SNAP47: variants seen among roughly 807,000 people sequenced by gnomAD.
SNAP47 encodes the protein synaptosomal-associated protein 47.
A neutral mutation model predicts 31.4 loss-of-function variants in SNAP47; 20 were observed. The ratio of observed to expected loss-of-function variants is 0.64; its 90% CI spans 0.45 to 0.93. SNAP47 has a LOEUF of 0.93. SNAP47 is among the 40% of genes least tolerant of loss of function. The pLI is 0.00. For synonymous variants in SNAP47, 194 were observed against 213.4 expected, an observed-to-expected ratio of 0.91 and a Z score of 0.79; for missense variants, 492 against 528.5, an observed-to-expected ratio of 0.93 and a Z score of 0.68.
chr1:227,767,904 TTG>T lies in SNAP47; in HGVS notation c.1113+824_1113+825del, dbSNP rs1663542979. Among the ~76,000 whole-genome samples, 3 of 152,342 alleles carry T rather than the reference TTG, an allele frequency of 2.0e-5. No homozygotes were observed. In the South Asian group the frequency reaches 6.2e-4, roughly 32 times the overall value. ...CTGGTTCTTAAGGAGGCTCAGCACT[TTG>T]TGCCTGGGAGGCTGGAATTTTAATG... On this transcript the variant is annotated intron_variant, in intron 4 of 4. Transcript: ENST00000617596.
At position 227,780,759 on chromosome 1, in the gene SNAP47, CT is replaced by C. The variant is rs1211121183; in HGVS notation, c.*87del. ...GCGGCAGTGCCAGGGCTGCAGAGGC[CT>C]GTGGCCCTCCGGAGTGGTCTTCCTC... On this transcript the variant is annotated 3_prime_UTR_variant, in exon 5 of 5. Transcript: ENST00000617596. 3.8e-6 allele frequency: 6 copies of C among 1,566,622 alleles called. No homozygotes were observed. Among genetic ancestry groups the C allele is most frequent in the Admixed American group, 1.7e-5 (1 of 57,202 alleles).
At chr1:227,767,401 G>A (rs190366604) in intron 4 of SNAP47, among the ~76,000 whole-genome samples, 23 of 152,288 alleles carry the variant, frequency 1.5e-4, no homozygotes, top group East Asian at 9.6e-4. Flanking sequence ...TATGTTTACC[G>A]TGCATGTACA....
intron 4 of SNAP47, chr1:227,776,947 T>G (rs904026789): frequency 2.0e-6 from 2 of 985,268 alleles, no homozygotes; most frequent in Non-Finnish European, 2.4e-6. Flanking sequence ...GTGTACACAA[T>G]AAAATATTCC....
intron 3 of SNAP47, among the ~76,000 whole-genome samples, chr1:227,759,951 A>G (rs1662957097): frequency 6.6e-6 from 1 of 152,142 alleles, no homozygotes; most frequent in African/African-American, 2.4e-5. Flanking sequence ...AGGAGGCAGG[A>G]TGCCCCTCTG....
chr1:227,765,287 G>A (rs551662600), intron 3 of SNAP47, among the ~76,000 whole-genome samples: 53 of 152,350 alleles, frequency 3.5e-4, no homozygotes, highest in Admixed American at 5.9e-4. Context: ...CTGGTGCAGC[G>A]CAGGCTGGGC....
intron 1 of SNAP47, chr1:227,744,137 C>G (rs531999599): frequency 6.6e-6 from 1 of 150,750 alleles, no homozygotes; most frequent in South Asian, 2.1e-4. Context: ...GGAATAAAGA[C>G]AGGAAAAACA....
At chr1:227,755,086 A>G (rs1260524056) in intron 2 of SNAP47, among the ~76,000 whole-genome samples, 1 of 152,360 alleles carries the variant, frequency 6.6e-6, no homozygotes, top group East Asian at 1.9e-4. Flanking sequence ...AGGTTGGAAT[A>G]GGAAACACTT....
chr1:227,776,131 A>T, intron 4 of SNAP47: 1 of 1,160,568 alleles, frequency 8.6e-7, no homozygotes, highest in Non-Finnish European at 1.1e-6. Flanking sequence ...CCTGGCTCTG[A>T]CGCCCTCAGC....
chr1:227,774,654 C>T (rs548842331), intron 4 of SNAP47, among the ~76,000 whole-genome samples: 38 of 152,286 alleles, frequency 2.5e-4, no homozygotes, highest in Admixed American at 2.2e-3. Context: ...ACAGCTCTGG[C>T]CGTGTTGGTT....
At chr1:227,768,831 C>T (rs547626134) in intron 4 of SNAP47, among the ~76,000 whole-genome samples, 5 of 152,334 alleles carry the variant, frequency 3.3e-5, no homozygotes, top group South Asian at 2.1e-4. Context: ...TGCCTCGGCA[C>T]GTGGCTGAGA....
At chr1:227,752,932 A>G (rs866775387) in intron 2 of SNAP47, among the ~76,000 whole-genome samples, 13 of 152,344 alleles carry the variant, frequency 8.5e-5, no homozygotes, top group African/African-American at 2.9e-4. Flanking sequence ...GCCCATTCCC[A>G]GAGCTGTTGG....
Position 227,741,210 on chromosome 1 carries a change from C to T in SNAP47, c.-46+5711C>T, listed in dbSNP as rs1661575176. Among the ~76,000 whole-genome samples, 4 of 152,022 alleles carry T rather than the reference C, an allele frequency of 2.6e-5. No individual in the cohort carries two copies. The highest frequency in any genetic ancestry group is 2.1e-4 in the South Asian group (1 of 4,828). The stretch of plus-strand genomic sequence containing the variant: ...GCTGGAGTGGGTGTTTGGGAGGCAA[C>T]GGCTTGGGGGTGATGTTGAGTTTCT... On this transcript the variant is annotated intron_variant, in intron 1 of 4. Coordinates refer to ENST00000617596, the MANE Select transcript of SNAP47 (RefSeq NM_053052.4). This position sits in a 1 kb window ranked among gnomAD's most constrained non-coding sequence, Gnocchi z 4.2.
chr1:227,769,705 T>TGTGGAGG (rs1367100904), intron 4 of SNAP47, among the ~76,000 whole-genome samples: 2 of 151,978 alleles, frequency 1.3e-5, no homozygotes, highest in Non-Finnish European at 2.9e-5. Context: ...TCACTGTGGT[T>TGTGGAGG]GTGGAGGGTG....
In SNAP47 at chr1:227,759,037, C is replaced by G. The variant is rs769129953; in HGVS notation, c.540C>G (p.Ser180Arg). The G allele has an allele frequency of 6.2e-7, 1 of 1,612,312 alleles. No homozygotes were observed. The highest frequency in any genetic ancestry group is 1.1e-5 in the South Asian group (1 of 90,410). Residue 180 changes from serine to arginine, a missense_variant, in exon 3 of 5, where the codon AGC becomes AGG. By Grantham distance (110) the Ser-to-Arg change is moderately radical. Coordinates refer to ENST00000617596, the MANE Select transcript of SNAP47 (RefSeq NM_053052.4). ...ELESPAWWPF[S>R]SKLWKTPPET... ...AATCTCCTGCTTGGTGGCCCTTTAG[C>G]TCCAAGCTTTGGAAGACACCACCGG...
intron 4 of SNAP47, chr1:227,768,155 C>T (rs545696789): frequency 2.2e-4 from 96 of 438,074 alleles, no homozygotes; most frequent in Non-Finnish European, 2.6e-4. Flanking sequence ...GCAGTGCTCC[C>T]ACCTTCTGAG....
chr1:227,734,953 C>T, upstream of SNAP47: 1 of 1,501,006 alleles, frequency 6.7e-7, no homozygotes, highest in East Asian at 2.4e-5. Flanking sequence ...CGGGGGCCTC[C>T]CGGGCCTGGG....
rs139184667 is a variant in SNAP47, at chr1:227,743,362, G to C, written c.-45-4330G>C. Among the ~76,000 whole-genome samples the C allele has an allele frequency of 8.9e-3, 1,356 of 152,308 alleles. 6 individuals carry two copies. Among genetic ancestry groups the C allele is most frequent in the Non-Finnish European group, 0.016 (1,090 of 68,012 alleles). The stretch of plus-strand genomic sequence containing the variant: ...GCAGGGAGAGTGCGAGGTGCTTTGT[G>C]TTTGTTGATGTTGGGGTTCCCTGCA... On this transcript the variant is annotated intron_variant, in intron 1 of 4. Coordinates refer to ENST00000617596, the MANE Select transcript of SNAP47 (RefSeq NM_053052.4).
At chr1:227,734,925 C>A (rs1660972101), upstream of SNAP47, 5 of 1,527,384 alleles carry the variant, frequency 3.3e-6, no homozygotes, top group Non-Finnish European at 4.4e-6. Flanking sequence ...CTCACCCTCC[C>A]TGGTGCCCCT....
At chr1:227,776,232 C>T in intron 4 of SNAP47, 1 of 1,068,102 alleles carries the variant, frequency 9.4e-7, no homozygotes, top group East Asian at 6.8e-5. Flanking sequence ...CTCTTAGGAA[C>T]ACTTCTATCA....
Sources: allele counts gnomAD v4.1 joint callset (sites outside exome capture counted in the v4.1 genomes callset), GRCh38; gene constraint gnomAD v4.1.1; non-coding constraint Gnocchi (gnomAD v3.1); transcripts MANE v1.5; gene names NCBI Gene and HGNC (gene_info 2026-07-23, HGNC 2026-07-21).